The following CAST variants were observed in gnomAD, a reference collection of about 807,000 sequenced individuals.
CAST encodes the protein MIR583 host.
A neutral mutation model predicts 119.6 loss-of-function variants in CAST; 76 were observed. The ratio of observed to expected loss-of-function variants is 0.64; its 90% confidence interval spans 0.53 to 0.77. CAST has a LOEUF of 0.77. Among genes scored for constraint, CAST ranks in the 30% least tolerant of loss-of-function variants. CAST has a pLI of 0.00. For missense variants in CAST, 953 were observed against 946.5 expected (o/e 1.01, Z -0.09); for synonymous variants, 319 against 331.6 (o/e 0.96, Z 0.41).
the CAST span, among the ~76,000 whole-genome samples, chr5:96,341,094 G>C: frequency 3.3e-5 from 5 of 152,200 alleles, no homozygotes; most frequent in African/African-American, 1.2e-4. Flanking sequence ...CCAAATGCCT[G>C]TGAGATTCTA....
At chr5:96,137,189 G>T in the CAST span, among the ~76,000 whole-genome samples, 1 of 152,090 alleles carries the variant, frequency 6.6e-6, no homozygotes, top group Non-Finnish European at 1.5e-5. Flanking sequence ...AGTTGTATGA[G>T]CCCCCTAACC....
chr5:96,424,867 G>A, the CAST span, among the ~76,000 whole-genome samples: 1 of 151,796 alleles, frequency 6.6e-6, no homozygotes, highest in Non-Finnish European at 1.5e-5. Context: ...AGAGGCTGAG[G>A]CAGGAGAATC....
chr5:96,311,833 A>G, the CAST span, among the ~76,000 whole-genome samples: 2 of 151,992 alleles, frequency 1.3e-5, no homozygotes, highest in African/African-American at 4.8e-5. Context: ...TAGGCAGCAT[A>G]TAATTGGGTC....
At chr5:96,046,012 G>A in the CAST span, among the ~76,000 whole-genome samples, 1 of 152,106 alleles carries the variant, frequency 6.6e-6, no homozygotes, top group Non-Finnish European at 1.5e-5. Context: ...TACATGGAGT[G>A]GGCCATGTGG....
At chr5:96,257,313 A>G in the CAST span, among the ~76,000 whole-genome samples, 1 of 152,154 alleles carries the variant, frequency 6.6e-6, no homozygotes, top group Non-Finnish European at 1.5e-5. Flanking sequence ...GTGTAGAGGG[A>G]TCTCTGTAAC....
the CAST span, among the ~76,000 whole-genome samples, chr5:96,106,071 C>T: frequency 2.0e-4 from 30 of 152,240 alleles, no homozygotes; most frequent in South Asian, 4.1e-3. Context: ...TCTGTGGGAT[C>T]GGTGGTGATA....
chr5:96,663,299 TGCGACCTCCTC>T (rs1294702394), intron 1 of CAST: 2 of 691,540 alleles, frequency 2.9e-6, no homozygotes, highest in Admixed American at 4.0e-5. Flanking sequence ...GCGGACCGGG[TGCGACCTCCTC>T]GCAGACCTTC....
At chr5:96,589,244 G>A (rs183249890) in intron 1 of CAST, among the ~76,000 whole-genome samples, 221 of 152,272 alleles carry the variant, frequency 1.5e-3, no homozygotes, top group Non-Finnish European at 2.6e-3. Flanking sequence ...ATTGTCAAAT[G>A]TTCAGTAAAC....
chr5:96,651,802 GT>G, intron 1 of CAST, among the ~76,000 whole-genome samples: 1 of 152,304 alleles, frequency 6.6e-6, no homozygotes, highest in East Asian at 1.9e-4. Flanking sequence ...GATATATCAT[GT>G]TTGTAATTGT....
the CAST span, among the ~76,000 whole-genome samples, chr5:96,382,033 T>A: frequency 1.3e-5 from 2 of 152,168 alleles, no homozygotes; most frequent in African/African-American, 4.8e-5. Flanking sequence ...ACATTGAACA[T>A]AAAAACAGAA....
At chr5:96,663,118 G>A in intron 1 of CAST, 1 of 702,572 alleles carries the variant, frequency 1.4e-6, no homozygotes, top group African/African-American at 1.7e-5. Flanking sequence ...GTGCGGATCG[G>A]AGCCAGCCGG....
chr5:96,463,794 C>A, the CAST span, among the ~76,000 whole-genome samples: 1 of 152,024 alleles, frequency 6.6e-6, no homozygotes, highest in East Asian at 1.9e-4. Context: ...CTACCCATAA[C>A]TAAACTCTCC....
the CAST span, among the ~76,000 whole-genome samples, chr5:96,019,793 G>A: frequency 1.5e-4 from 23 of 152,222 alleles, no homozygotes; most frequent in South Asian, 1.7e-3. Context: ...GCTAATAAAC[G>A]TAAATAGACA....
chr5:96,503,691 G>A, the CAST span, among the ~76,000 whole-genome samples: 4 of 152,066 alleles, frequency 2.6e-5, no homozygotes, highest in Admixed American at 6.6e-5. Flanking sequence ...TGAAAAATGC[G>A]GACTCCTTCT....
the CAST span, among the ~76,000 whole-genome samples, chr5:96,356,762 G>A: frequency 2.6e-5 from 4 of 152,152 alleles, no homozygotes; most frequent in Non-Finnish European, 5.9e-5. Context: ...AAGTCAGGTA[G>A]CGTGATGCCT....
chr5:96,014,714 A>T, the CAST span, among the ~76,000 whole-genome samples: 1 of 152,176 alleles, frequency 6.6e-6, no homozygotes, highest in African/African-American at 2.4e-5. Flanking sequence ...GATCTATGCA[A>T]GTAGGATAAA....
At chr5:96,599,455 C>A (rs1482268917) in intron 1 of CAST, among the ~76,000 whole-genome samples, 1 of 152,182 alleles carries the variant, frequency 6.6e-6, no homozygotes, top group Non-Finnish European at 1.5e-5. Context: ...GTTAAAAATT[C>A]ATCTACTGTA....
intron 1 of CAST, among the ~76,000 whole-genome samples, chr5:96,613,151 C>G (rs1747393155): frequency 6.6e-6 from 1 of 152,176 alleles, no homozygotes; most frequent in South Asian, 2.1e-4. Context: ...CCATCTTCTT[C>G]TCTTTCAGAA....
chr5:96,278,008 G>A, the CAST span, among the ~76,000 whole-genome samples: 137 of 152,098 alleles, frequency 9.0e-4, no homozygotes, highest in Non-Finnish European at 1.4e-3. Context: ...ACTGGAGGGT[G>A]GGGAGTCTTA....
Sources: gnomAD v4.1 joint callset for allele counts (sites outside exome capture counted in the v4.1 genomes callset) on GRCh38, gnomAD v4.1.1 for gene constraint, MANE v1.5 for transcripts, NCBI Gene and HGNC (gene_info 2026-07-23, HGNC 2026-07-21) for gene names.